The following DRP2 variants were observed in gnomAD, a reference collection of about 807,000 sequenced individuals.
The protein encoded by DRP2 is dystrophin-related protein 2.
In DRP2, 29 loss-of-function variants were observed where a neutral mutation model predicts 78.2. That is an observed-to-expected ratio of 0.37 (90% CI 0.28 to 0.51). The LOEUF (loss-of-function observed/expected upper bound fraction) is 0.51. DRP2 is among the 20% of genes least tolerant of loss of function. The probability of loss-of-function intolerance (pLI) is 0.94; values close to 1 mark genes in which losing one functional copy is unlikely to be tolerated. For synonymous variants in DRP2, 290 were observed against 281.9 expected, an observed-to-expected ratio of 1.03 and a Z score of -0.29; for missense variants, 686 against 770.6, an observed-to-expected ratio of 0.89 and a Z score of 1.30.
At chrX:101,253,917 G>T (rs73635567) in intron 17 of DRP2, among the ~76,000 whole-genome samples, 85 of 110,977 alleles carry the variant, frequency 7.7e-4, no homozygotes, top group African/African-American at 2.8e-3. Flanking sequence ...AGAATTCATA[G>T]AAAAGCTATT....
intron 2 of DRP2, among the ~76,000 whole-genome samples, chrX:101,230,546 A>G (rs748450913): frequency 1.8e-5 from 2 of 110,511 alleles, no homozygotes; most frequent in South Asian, 3.9e-4. Flanking sequence ...AAATAAATAA[A>G]TAAAATAAAA....
chrX:101,259,299 T>A (rs1384739352), intron 22 of DRP2, among the ~76,000 whole-genome samples: 1 of 111,649 alleles, frequency 9.0e-6, no homozygotes, highest in Non-Finnish European at 1.9e-5. Flanking sequence ...AATACCACTC[T>A]TCTGCCTCTT....
At chrX:101,240,211 T>C (rs919097782) in intron 6 of DRP2, among the ~76,000 whole-genome samples, 1 of 112,169 alleles carries the variant, frequency 8.9e-6, no homozygotes, top group African/African-American at 3.2e-5. Flanking sequence ...TATGACTCTT[T>C]GGAATTTTTT....
intron 1 of DRP2, among the ~76,000 whole-genome samples, chrX:101,222,296 T>C (rs1241246182): frequency 9.0e-6 from 1 of 111,438 alleles, no homozygotes; most frequent in Admixed American, 9.6e-5. Context: ...CAGATACAGT[T>C]TGGGGAACTG....
chrX:101,224,412 AAAG>A (rs1922042374), intron 1 of DRP2, among the ~76,000 whole-genome samples, 189 bp from the exon 2 acceptor site: 1 of 5,141 alleles, frequency 1.9e-4, no homozygotes, highest in Non-Finnish European at 2.8e-3. Context: ...AAAACAAAAA[AAAG>A]CCCAAAAAAC....
At chrX:101,245,273 C>T in intron 10 of DRP2, 115 bp from the exon 11 acceptor site, 1 of 862,556 alleles carries the variant, frequency 1.2e-6, no homozygotes, top group Non-Finnish European at 1.7e-6. Flanking sequence ...CTTGGGTTTA[C>T]CCTCGAACCC....
At chrX:101,243,638 C>G (rs886837774) in intron 9 of DRP2, among the ~76,000 whole-genome samples, 3 of 111,904 alleles carry the variant, frequency 2.7e-5, no homozygotes, top group Non-Finnish European at 3.8e-5. Flanking sequence ...AGATACTGCT[C>G]TAGGCACTGG....
intron 14 of DRP2, 110 bp downstream of exon 14, chrX:101,248,709 G>GCTA (rs1006420420): frequency 1.5e-6 from 1 of 647,713 alleles, no homozygotes; most frequent in Non-Finnish European, 2.4e-6. Context: ...TCAGCAGAGG[G>GCTA]CTACTTGGGC....
chrX:101,229,997 G>C (rs190054148), intron 2 of DRP2, among the ~76,000 whole-genome samples: 1 of 111,937 alleles, frequency 8.9e-6, no homozygotes, highest in African/African-American at 3.2e-5. Context: ...TTCTCTTGCT[G>C]TTGGCAACAT....
intron 20 of DRP2, among the ~76,000 whole-genome samples, chrX:101,255,892 C>T (rs1490428663): frequency 9.1e-6 from 1 of 110,165 alleles, no homozygotes; most frequent in Non-Finnish European, 1.9e-5. Context: ...GTAAGTAGAA[C>T]CCAGATACCT....
intron 21 of DRP2, among the ~76,000 whole-genome samples, chrX:101,257,496 A>G (rs1326003263): frequency 9.2e-6 from 1 of 109,181 alleles, no homozygotes; most frequent in African/African-American, 3.3e-5. Context: ...TGACATTGCT[A>G]TGATATTCAA....
chrX:101,242,887 C>T lies in DRP2; in HGVS notation c.976-17C>T, dbSNP rs1922783286. 9 of 1,202,313 alleles carry T rather than the reference C, an allele frequency of 7.5e-6. No individual in the cohort carries two copies. Among genetic ancestry groups the T allele is most frequent in the African/African-American group, 3.5e-5 (2 of 56,713 alleles). ...AGCTGGAATGAATCTACTGACCTCA[C>T]CCTGTTCTTTCCATAGGCGTCAGTT... On this transcript the variant is annotated splice_polypyrimidine_tract_variant and intron_variant, in intron 8 of 23. Transcript: ENST00000395209.
At chrX:101,236,576 A>T (rs1922514054) in intron 4 of DRP2, among the ~76,000 whole-genome samples, 1 of 111,782 alleles carries the variant, frequency 8.9e-6, no homozygotes, top group African/African-American at 3.3e-5. Context: ...TTCTCAGTTG[A>T]TCGGCTTTCC....
Position 101,237,608 on chromosome X carries a change from A to G in DRP2, c.282-11A>G. The G allele has an allele frequency of 9.4e-7, 1 of 1,068,888 alleles. No individual in the cohort carries two copies. The highest frequency in any genetic ancestry group is 1.2e-6 in the Non-Finnish European group (1 of 814,756). The allele number at this position is 1,068,888 out of a possible 1,213,427, so 88.1% of individuals were successfully genotyped here. A position where few individuals can be genotyped will look rare whatever the true frequency, so the allele number is the denominator to read the frequency against. On this transcript the variant is annotated splice_polypyrimidine_tract_variant and intron_variant, in intron 4 of 23. Coordinates refer to ENST00000395209, the MANE Select transcript of DRP2 (RefSeq NM_001939.3). ...AGACTGAACATCACTGGTTTTACTC[A>G]TTGTGTGCAGCGCTCGCCTAGAGGC...
rs773611850 is a variant in DRP2, at chrX:101,252,691, A to G, written c.1952A>G (p.Tyr651Cys). 25 of 1,209,754 alleles carry G rather than the reference A, an allele frequency of 2.1e-5. No individual in the cohort carries two copies. Among genetic ancestry groups the G allele is most frequent in the Non-Finnish European group, 2.8e-5 (25 of 894,889 alleles). Reference protein sequence around the residue: ...GRASKGNKLHYPIMEYYTPTT... With the variant: ...GRASKGNKLHCPIMEYYTPTT... The stretch of plus-strand genomic sequence containing the variant: ...GCCAGCAAAGGCAATAAGCTGCACT[A>G]CCCCATCATGGAGTATTACACACCG... Residue 651 changes from tyrosine (Y) to cysteine (C), a missense_variant, in exon 17 of 24, where the codon TAC (tyrosine) becomes TGC (cysteine). Transcript: ENST00000395209.
At chrX:101,248,780 G>C (rs1923028144) in intron 14 of DRP2, among the ~76,000 whole-genome samples, 181 bp downstream of exon 14, 1 of 112,521 alleles carries the variant, frequency 8.9e-6, no homozygotes, top group Non-Finnish European at 1.9e-5. Context: ...CAAAGGACAA[G>C]ATGGGCCTAA....
rs1923541837 is a variant in DRP2 at position 101,261,164 on chromosome X, C to T, written c.*543C>T. On this transcript the variant is annotated 3_prime_UTR_variant, in exon 24 of 24. Coordinates refer to ENST00000395209, the MANE Select transcript of DRP2 (RefSeq NM_001939.3). ...GGCAGTGTGTGTTCTATTACTTCAG[C>T]TCCAGGACAGATTGCTAGCCATCCT... is the stretch of plus-strand genomic sequence containing the variant. 1 of 111,873 alleles carries T rather than the reference C, an allele frequency of 8.9e-6. No homozygotes were observed. The highest frequency in any genetic ancestry group is 4.0e-4 in the South Asian group (1 of 2,531). The allele number at this position is 111,873 out of a possible 1,213,427, so 9.2% of individuals were successfully genotyped here.
chrX:101,255,850 TG>T (rs1323142166), intron 20 of DRP2, among the ~76,000 whole-genome samples: 2 of 86,467 alleles, frequency 2.3e-5, no homozygotes, highest in Middle Eastern at 6.3e-3. Context: ...GGAAATGATT[TG>T]CTCATTGTTT....
At chrX:101,240,926 C>A (rs1300691560) in intron 6 of DRP2, among the ~76,000 whole-genome samples, 1 of 111,716 alleles carries the variant, frequency 9.0e-6, no homozygotes, top group Admixed American at 9.5e-5. Flanking sequence ...AAGAAGAAAT[C>A]TACAGATTAG....
Sources: gnomAD v4.1 joint callset for allele counts (sites outside exome capture counted in the v4.1 genomes callset) on GRCh38, gnomAD v4.1.1 for gene constraint, MANE v1.5 for transcripts, NCBI Gene and HGNC (gene_info 2026-07-23, HGNC 2026-07-21) for gene names.